GTF2E2: variants seen among roughly 807,000 people sequenced by gnomAD.
GTF2E2 encodes the protein transcription initiation factor IIE subunit beta.
Under a neutral mutation model 40.5 loss-of-function variants are expected in GTF2E2, and 21 were observed. The ratio of observed to expected loss-of-function variants is 0.52; its 90% CI spans 0.37 to 0.75. The LOEUF (loss-of-function observed/expected upper bound fraction) is 0.75, where lower values mean the gene tolerates loss of function less well. Among genes scored for constraint, GTF2E2 ranks in the 30% least tolerant of loss-of-function variants. GTF2E2 has a pLI of 0.00. For synonymous variants in GTF2E2, 117 were observed against 121.6 expected, an observed-to-expected ratio of 0.96 and a Z score of 0.25; for missense variants, 298 against 338.4, an observed-to-expected ratio of 0.88 and a Z score of 0.94.
At chr8:30,647,239 T>C (rs912126589) in intron 2 of GTF2E2, among the ~76,000 whole-genome samples, 17 of 152,124 alleles carry the variant, frequency 1.1e-4, no homozygotes, top group African/African-American at 4.1e-4. Context: ...ATTTTTTGTG[T>C]GCAATAAATA....
intron 3 of GTF2E2, among the ~76,000 whole-genome samples, chr8:30,634,661 T>TG (rs781388007): frequency 6.6e-6 from 1 of 152,190 alleles, no homozygotes; most frequent in Non-Finnish European, 1.5e-5. Flanking sequence ...TATGTACTTT[T>TG]TACTTCTCAC....
intron 3 of GTF2E2, among the ~76,000 whole-genome samples, chr8:30,615,364 C>T (rs1800889666): frequency 6.6e-6 from 1 of 152,120 alleles, no homozygotes; most frequent in African/African-American, 2.4e-5. Flanking sequence ...GGAAAAGACA[C>T]TCAACTTTCA....
At chr8:30,593,325 TCAATCAACTA>T (rs1392243648) in intron 6 of GTF2E2, among the ~76,000 whole-genome samples, 5 of 152,232 alleles carry the variant, frequency 3.3e-5, no homozygotes, top group Non-Finnish European at 7.3e-5. Flanking sequence ...ATCTATCTGT[TCAATCAACTA>T]CTGAAAGAGG....
At chr8:30,592,293 C>T (rs1006105375) in intron 6 of GTF2E2, among the ~76,000 whole-genome samples, 7 of 152,138 alleles carry the variant, frequency 4.6e-5, no homozygotes, top group African/African-American at 7.2e-5. Flanking sequence ...ATAGGAGGAT[C>T]GCCTGTGCCC....
chr8:30,615,911 G>A (rs1351774061), intron 3 of GTF2E2, among the ~76,000 whole-genome samples: 1 of 152,142 alleles, frequency 6.6e-6, no homozygotes, highest in African/African-American at 2.4e-5. Flanking sequence ...GCCAAAAGCT[G>A]GAAGCAACCA....
At chr8:30,583,915 C>G (rs1258551301) in intron 6 of GTF2E2, among the ~76,000 whole-genome samples, 1 of 151,564 alleles carries the variant, frequency 6.6e-6, no homozygotes, top group Non-Finnish European at 1.5e-5. Context: ...ACGCCATTCT[C>G]CTGTCTCAGC....
rs1425230654 is a variant in GTF2E2, at chr8:30,579,035, G to T, written c.762C>A (p.Ala254=). ...SMQESGPKKV[A]PIQRRKKPAS... is the part of the protein sequence containing the mutation. Reference sequence around the variant, plus strand: ...CAGGCTTTTTCCTTCTCTGAATAGGGGCCTAAAGGAAAAGGTAAAAACAAT... The same window carrying T: ...CAGGCTTTTTCCTTCTCTGAATAGGTGCCTAAAGGAAAAGGTAAAAACAAT... The change falls in exon 8 of 8, where the codon GCC becomes GCA. Residue 254 remains alanine (A), a splice_region_variant and synonymous_variant. Coordinates refer to ENST00000355904, the MANE Select transcript of GTF2E2 (RefSeq NM_002095.6). 8 of 1,520,816 alleles carry T rather than the reference G, an allele frequency of 5.3e-6. No homozygotes were observed. The highest frequency in any genetic ancestry group is 7.3e-6 in the Non-Finnish European group (8 of 1,094,974). 94.2% of individuals were successfully genotyped at this position (1,520,816 alleles called of 1,614,324 possible).
At chr8:30,608,914 A>C (rs1759668978) in intron 5 of GTF2E2, among the ~76,000 whole-genome samples, 1 of 152,142 alleles carries the variant, frequency 6.6e-6, no homozygotes, top group South Asian at 2.1e-4. Context: ...ACGCCCGGCT[A>C]ATTTTTTGTA....
At chr8:30,588,486 T>G (rs1828747029) in intron 6 of GTF2E2, among the ~76,000 whole-genome samples, 1 of 152,224 alleles carries the variant, frequency 6.6e-6, no homozygotes, top group Non-Finnish European at 1.5e-5. Context: ...AAAAACCGCA[T>G]GTTTTCACCT....
At chr8:30,611,032 A>G (rs1585962607) in intron 5 of GTF2E2, among the ~76,000 whole-genome samples, 1 of 152,380 alleles carries the variant, frequency 6.6e-6, no homozygotes, top group East Asian at 1.9e-4. Flanking sequence ...TCCTGTTGCA[A>G]GTACAACATG....
intron 2 of GTF2E2, among the ~76,000 whole-genome samples, chr8:30,652,415 T>A (rs1169121032): frequency 6.6e-6 from 1 of 151,968 alleles, no homozygotes; most frequent in African/African-American, 2.4e-5. Context: ...AAAAAAAAAT[T>A]GAATAGACAT....
intron 3 of GTF2E2, among the ~76,000 whole-genome samples, chr8:30,627,097 T>G (rs1035538597): frequency 2.6e-5 from 4 of 152,128 alleles, no homozygotes; most frequent in African/African-American, 7.2e-5. Flanking sequence ...GTAAGTAAAA[T>G]GCACAGCATG....
chr8:30,649,540 C>T (rs1423424670), intron 2 of GTF2E2, among the ~76,000 whole-genome samples: 2 of 152,042 alleles, frequency 1.3e-5, no homozygotes, highest in Non-Finnish European at 2.9e-5. Flanking sequence ...AGACAAATTC[C>T]TAAAATCAGA....
At chr8:30,579,482 G>A (rs1308297504) in intron 7 of GTF2E2, among the ~76,000 whole-genome samples, 1 of 152,154 alleles carries the variant, frequency 6.6e-6, no homozygotes, top group Admixed American at 6.6e-5. Context: ...AGCATCACAT[G>A]ATGAAAAAAA....
At chr8:30,623,300 G>C (rs1801167926) in intron 3 of GTF2E2, among the ~76,000 whole-genome samples, 1 of 151,986 alleles carries the variant, frequency 6.6e-6, no homozygotes, top group Non-Finnish European at 1.5e-5. Flanking sequence ...GCAGTGTTTG[G>C]TTTTTCGTCC....
chr8:30,585,057 A>AT (rs1828632303), intron 6 of GTF2E2: 1 of 152,264 alleles, frequency 6.6e-6, no homozygotes, highest in Non-Finnish European at 1.5e-5. Context: ...GTGGTGGCAC[A>AT]TGCCTGTAGT....
chr8:30,621,538 G>A (rs970718323), intron 3 of GTF2E2, among the ~76,000 whole-genome samples: 2 of 152,080 alleles, frequency 1.3e-5, no homozygotes, highest in African/African-American at 2.4e-5. Context: ...CCTACAACTA[G>A]AGACTTGATT....
chr8:30,599,404 C>G (rs2151118206), intron 6 of GTF2E2, among the ~76,000 whole-genome samples: 1 of 151,908 alleles, frequency 6.6e-6, no homozygotes, highest in South Asian at 2.1e-4. Flanking sequence ...ATGGTGAAAC[C>G]CTGTCTCTAC....
chr8:30,614,948 G>GCTAT (rs1800872251), intron 3 of GTF2E2, among the ~76,000 whole-genome samples: 1 of 151,870 alleles, frequency 6.6e-6, no homozygotes, highest in African/African-American at 2.4e-5. Flanking sequence ...ATCACCAAGA[G>GCTAT]CTATATTCTT....
Sources: gnomAD v4.1 joint callset for allele counts (sites outside exome capture counted in the v4.1 genomes callset) on GRCh38, gnomAD v4.1.1 for gene constraint, MANE v1.5 for transcripts, NCBI Gene and HGNC (gene_info 2026-07-23, HGNC 2026-07-21) for gene names.